Variants in HOMER2 observed in about 807,000 individuals in gnomAD.
HOMER2 encodes the protein homer scaffold protein 2, also known as homer protein homolog 2.
In HOMER2, 27 loss-of-function variants were observed where a neutral mutation model predicts 47.0. The ratio of observed to expected loss-of-function variants is 0.57; its 90% CI spans 0.42 to 0.79. The LOEUF (loss-of-function observed/expected upper bound fraction) is 0.79. Ranked by LOEUF, HOMER2 falls within the 30% of genes least tolerant of loss-of-function variation. HOMER2 has a pLI of 0.00. For synonymous variants in HOMER2, 161 were observed against 163.8 expected (o/e 0.98, Z 0.13); for missense variants, 443 against 435.0 (o/e 1.02, Z -0.16).
At position 82,910,132 on chromosome 15, in the gene HOMER2, C is replaced by CAAAA. The variant is rs35191408; in HGVS notation, c.6-17295_6-17292dup. On this transcript the variant is annotated intron_variant, in intron 1 of 8. Transcript: ENST00000450735. ...TGGGTAACAGAGCAAGATTCTGTCT[C>CAAAA]AAAAAAAAAAAAAAAAAAAAAAAAA... Among the ~76,000 whole-genome samples the CAAAA allele has an allele frequency of 3.8e-3, 85 of 22,124 alleles. 11 individuals are homozygous for CAAAA. The highest frequency in any genetic ancestry group is 8.6e-3 in the African/African-American group (71 of 8,224). The allele number at this position is 22,124 out of a possible 152,430, so 14.5% of individuals were successfully genotyped here.
At chr15:82,944,262 C>G (rs989539139) in intron 1 of HOMER2, among the ~76,000 whole-genome samples, 1 of 152,120 alleles carries the variant, frequency 6.6e-6, no homozygotes, top group South Asian at 2.1e-4. Flanking sequence ...AAACGCACCC[C>G]GCTAGGAAAC....
intron 2 of HOMER2, among the ~76,000 whole-genome samples, chr15:82,879,747 GACA>G (rs1419660303): frequency 5.9e-5 from 9 of 152,220 alleles, no homozygotes; most frequent in African/African-American, 2.2e-4. Flanking sequence ...CTTAAAATAA[GACA>G]ACAATATTTG....
intron 1 of HOMER2, among the ~76,000 whole-genome samples, chr15:82,903,762 G>C (rs936705404): frequency 2.4e-4 from 37 of 152,310 alleles, no homozygotes; most frequent in African/African-American, 8.7e-4. Flanking sequence ...TGCGAGGCCA[G>C]GGCGGGCAGA....
Position 82,946,700 on chromosome 15 carries a change from A to G in HOMER2, c.5+5831T>C, listed in dbSNP as rs542503492. 4.6e-5 allele frequency among the ~76,000 whole-genome samples: 7 copies of G among 152,300 alleles called. No homozygotes were observed. The East Asian group carries it at 1.3e-3, about 29-fold the overall frequency. ...GTAATAAACTGTGTATTTTATTAAAAAAACAAAAACAAAGAAAGTCAACCA... is the reference window on the plus strand; with the variant it reads ...GTAATAAACTGTGTATTTTATTAAAGAAACAAAAACAAAGAAAGTCAACCA... On this transcript the variant is annotated intron_variant, in intron 1 of 8. Transcript: ENST00000450735.
At position 82,849,797 on chromosome 15, in the gene HOMER2, C is replaced by T. The variant is rs1277869468; in HGVS notation, c.950G>A (p.Ser317Asn). 3.7e-6 allele frequency: 6 copies of T among 1,614,012 alleles called. No homozygotes were observed. In the African/African-American group the frequency reaches 5.3e-5, roughly 14 times the overall value. ...CTTCCCGTCCAGCACCTCCAGGAAG[C>T]TCTTCAACTCCACCTTCAGGTGGCG... ...RQRHLKVELK[S>N]FLEVLDGKID... The change falls in exon 9 of 9, where the codon AGC becomes AAC. Residue 317 changes from serine (S) to asparagine (N), a missense_variant. Ser to Asn is a conservative substitution (Grantham distance 46). Transcript: ENST00000450735.
At chr15:82,842,624 A>T (rs2151584345) in exon 2 of HOMER2, 1 of 151,950 alleles carries the variant, frequency 6.6e-6, no homozygotes, top group East Asian at 2.0e-4. Flanking sequence ...TGCACAATAT[A>T]CTAGGCAAGT....
chr15:82,957,027 A>G (rs576230138), upstream of HOMER2, among the ~76,000 whole-genome samples: 1 of 152,346 alleles, frequency 6.6e-6, no homozygotes, highest in Non-Finnish European at 1.5e-5. Context: ...CTGTAATCCT[A>G]GCACTTTGGG....
At chr15:82,922,978 T>C (rs2053769437) in intron 1 of HOMER2, among the ~76,000 whole-genome samples, 1 of 152,038 alleles carries the variant, frequency 6.6e-6, no homozygotes, top group Non-Finnish European at 1.5e-5. Context: ...AAAGTGCAAA[T>C]TGGTCACCTC....
chr15:82,925,353 G>A (rs2053828811), intron 1 of HOMER2, among the ~76,000 whole-genome samples: 3 of 152,110 alleles, frequency 2.0e-5, no homozygotes. Flanking sequence ...CCCCCTGGGT[G>A]GCCACACAGA....
intron 3 of HOMER2, among the ~76,000 whole-genome samples, chr15:82,874,167 G>A (rs1256306654): frequency 6.6e-6 from 1 of 152,192 alleles, no homozygotes; most frequent in Non-Finnish European, 1.5e-5. Flanking sequence ...GCAGAGCAGA[G>A]GCTGGGTCAG....
At chr15:82,908,152 G>A (rs2053343509) in intron 1 of HOMER2, among the ~76,000 whole-genome samples, 1 of 152,014 alleles carries the variant, frequency 6.6e-6, no homozygotes, top group African/African-American at 2.4e-5. Context: ...CTTTCAGGGG[G>A]AATGAAAATG....
At chr15:82,956,252 A>C (rs1261424994), upstream of HOMER2, among the ~76,000 whole-genome samples, 1 of 151,654 alleles carries the variant, frequency 6.6e-6, no homozygotes, top group African/African-American at 2.4e-5. Flanking sequence ...AAAAAAAAAA[A>C]AAAAAGAAGA....
chr15:82,981,635 A>G (rs558101810), intron 1 of HOMER2, among the ~76,000 whole-genome samples: 1 of 152,384 alleles, frequency 6.6e-6, no homozygotes, highest in South Asian at 2.1e-4. Context: ...AGATGAATGG[A>G]TAACAAAATA....
chr15:82,857,650 C>T (rs1179263169), intron 5 of HOMER2, among the ~76,000 whole-genome samples: 1 of 151,972 alleles, frequency 6.6e-6, no homozygotes, highest in Non-Finnish European at 1.5e-5. Context: ...AGGCTGGTCT[C>T]GAACTCCTGA....
intron 1 of HOMER2, among the ~76,000 whole-genome samples, chr15:82,984,926 A>C (rs539594548): frequency 7.9e-5 from 12 of 152,378 alleles, no homozygotes; most frequent in African/African-American, 2.9e-4. Flanking sequence ...AAAGACTTGC[A>C]AGTAAATAAT....
intron 1 of HOMER2, among the ~76,000 whole-genome samples, chr15:82,915,158 T>C (rs1295424759): frequency 1.4e-5 from 2 of 145,294 alleles, no homozygotes; most frequent in Non-Finnish European, 3.0e-5. Context: ...AAAAAAAAAA[T>C]CAACTGCTGA....
intron 6 of HOMER2, among the ~76,000 whole-genome samples, chr15:82,854,361 G>A (rs997169143): frequency 8.5e-5 from 13 of 152,076 alleles, no homozygotes; most frequent in Admixed American, 2.6e-4. Flanking sequence ...CACTGAGATC[G>A]TGCCACTGCA....
At chr15:82,937,157 C>T (rs1344337414) in intron 1 of HOMER2, among the ~76,000 whole-genome samples, 2 of 152,190 alleles carry the variant, frequency 1.3e-5, no homozygotes, top group African/African-American at 2.4e-5. Flanking sequence ...TGTGTTTCAA[C>T]ATAGTCATAC....
At position 82,849,483 on chromosome 15, in the gene HOMER2, G is replaced by C; in HGVS notation, c.*232C>G. The C allele has an allele frequency of 1.8e-6, 1 of 556,484 alleles. No homozygotes were observed. The allele number at this position is 556,484 out of a possible 1,614,324, so 34.5% of individuals were successfully genotyped here. On this transcript the variant is annotated 3_prime_UTR_variant, in exon 9 of 9. Transcript: ENST00000450735. ...TGCATAAATGTTGAAGGTAGACCTA[G>C]TTCTGGATTCCTGAGTCAGAATCTT...
Sources: gnomAD v4.1 joint callset for allele counts (sites outside exome capture counted in the v4.1 genomes callset) on GRCh38, gnomAD v4.1.1 for gene constraint, MANE v1.5 for transcripts, NCBI Gene and HGNC (gene_info 2026-07-23, HGNC 2026-07-21) for gene names.